Variants in LHFPL5 observed in about 807,000 individuals in gnomAD.
LHFPL5 encodes the protein LHFPL tetraspan subfamily member 5, also known as LHFPL tetraspan subfamily member 5 protein.
In LHFPL5, 12 loss-of-function variants were observed where a neutral mutation model predicts 18.7. The ratio of observed to expected loss-of-function variants is 0.64; its 90% CI spans 0.41 to 1.04. LHFPL5 has a LOEUF of 1.04. LHFPL5 is among the 50% of genes least tolerant of loss of function. LHFPL5 has a pLI of 0.00. For synonymous variants in LHFPL5, 111 were observed against 120.2 expected (o/e 0.92, Z 0.50); for missense variants, 259 against 292.1 (o/e 0.89, Z 0.83).
At chr6:35,812,238 C>T (rs1382398523) in intron 1 of LHFPL5, among the ~76,000 whole-genome samples, 2 of 152,174 alleles carry the variant, frequency 1.3e-5, no homozygotes, top group Non-Finnish European at 2.9e-5. Context: ...ATTTACTGTG[C>T]ATTTGTTTGA....
chr6:35,819,402 G>A, intron 2 of LHFPL5, 35 bp from the exon 3 acceptor site: 1 of 1,609,506 alleles, frequency 6.2e-7, no homozygotes, highest in Non-Finnish European at 8.5e-7. Context: ...AACGAGACTT[G>A]GTAGTAACGT....
Position 35,805,724 on chromosome 6 carries a change from T to C in LHFPL5, c.54T>C (p.Tyr18=), listed in dbSNP as rs1768556847. The C allele has an allele frequency of 6.2e-7, 1 of 1,614,176 alleles. No homozygotes were observed. The highest frequency in any genetic ancestry group is 8.5e-7 in the Non-Finnish European group (1 of 1,180,030). Residue 18 remains tyrosine (Y), a synonymous_variant, in exon 1 of 4, where the codon TAT becomes TAC. Coordinates refer to ENST00000360215, the MANE Select transcript of LHFPL5 (RefSeq NM_182548.4). The surrounding 1 kb of genome is among the most constrained non-coding windows in gnomAD (Gnocchi z 4.3). ...QEAAKIYHTN[Y]VRNSRAVGVM... ...CAGCCAAGATCTACCATACCAACTA[T>C]GTGCGGAACTCGCGAGCCGTGGGCG...
intron 1 of LHFPL5, among the ~76,000 whole-genome samples, chr6:35,809,463 C>T (rs1768628126): frequency 6.6e-6 from 1 of 151,976 alleles, no homozygotes; most frequent in Non-Finnish European, 1.5e-5. Context: ...GATGACAGGG[C>T]TCTCTGAGGT....
rs549205957 is a variant in LHFPL5, at chr6:35,817,312, C to T, written c.650-2125C>T. On this transcript the variant is annotated intron_variant, in intron 2 of 3. Transcript: ENST00000360215. ...CTCTAGCCTGGGCAACAGAGCGAGA[C>T]TCAATCTAAAAAAAAAAATCTTAAA... Among the ~76,000 whole-genome samples, 6 of 151,422 alleles carry T rather than the reference C, an allele frequency of 4.0e-5. No individual in the cohort carries two copies. The South Asian group carries it at 1.2e-3, about 31-fold the overall frequency.
Position 35,814,148 on chromosome 6 carries a change from T to C in LHFPL5, c.413-398T>C, listed in dbSNP as rs1768718632. 1.3e-5 allele frequency among the ~76,000 whole-genome samples: 2 copies of C among 152,278 alleles called. No individual in the cohort carries two copies. The highest frequency in any genetic ancestry group is 2.1e-4 in the South Asian group (1 of 4,830). ...CACAGATGTTGTAAGTACGAAGAAA[T>C]GTACATCTCAGCAGTGATGAGTTCT... On this transcript the variant is annotated intron_variant, in intron 1 of 3. Coordinates refer to ENST00000360215, the MANE Select transcript of LHFPL5 (RefSeq NM_182548.4). This position sits in a 1 kb window ranked among gnomAD's most constrained non-coding sequence, Gnocchi z 4.2.
chr6:35,807,459 T>C (rs1433277186), intron 1 of LHFPL5, among the ~76,000 whole-genome samples: 2 of 152,070 alleles, frequency 1.3e-5, no homozygotes, highest in African/African-American at 4.8e-5. Context: ...CAGCCTCTGG[T>C]ACCTTGGTCC....
intron 3 of LHFPL5, among the ~76,000 whole-genome samples, chr6:35,821,577 G>T (rs940512299): frequency 5.3e-5 from 8 of 151,074 alleles, no homozygotes; most frequent in African/African-American, 1.2e-4. Flanking sequence ...CGCCTCCTGG[G>T]TTCAAGCCAT....
Position 35,806,065 on chromosome 6 carries a change from G to A in LHFPL5, c.395G>A (p.Trp132Ter), listed in dbSNP as rs756967336. 2.1e-5 allele frequency: 34 copies of A among 1,613,912 alleles called. No homozygotes were observed. Among genetic ancestry groups the A allele is most frequent in the Non-Finnish European group, 2.8e-5 (33 of 1,180,034 alleles). Residue 132 changes from tryptophan to a stop codon, truncating the protein, a stop_gained, in exon 1 of 4, where the codon TGG becomes TAG. Transcript: ENST00000360215. LOFTEE classifies it high-confidence loss of function. Reference sequence around the variant, plus strand: ...GCCACAGTCTATAAGATCTGTGCATGGATGCAGCTGGCTGCGGGTAAGCAG... The same window carrying A: ...GCCACAGTCTATAAGATCTGTGCATAGATGCAGCTGGCTGCGGGTAAGCAG... The part of the protein sequence containing the change: ...NTATVYKICA[W>*]MQLAAATGLM...
At chr6:35,816,687 C>T (rs1768768969) in intron 2 of LHFPL5, among the ~76,000 whole-genome samples, 1 of 151,910 alleles carries the variant, frequency 6.6e-6, no homozygotes, top group South Asian at 2.1e-4. Flanking sequence ...TGGTGTGCCC[C>T]TGTAATCCCA....
Position 35,823,477 on chromosome 6 carries a change from A to ACACACACTCTCT in LHFPL5, c.*513_*514insACACACTCTCTC, listed in dbSNP as rs1554147856. On this transcript the variant is annotated 3_prime_UTR_variant, in exon 4 of 4. Transcript: ENST00000360215. ...CACACACACACACACACACACACAC[A>ACACACACTCTCT]CTCTCTCTCTCTCTCAAACACACAC... is the stretch of plus-strand genomic sequence containing the variant. The ACACACACTCTCT allele has an allele frequency of 2.1e-5, 3 of 140,750 alleles. No homozygotes were observed. The highest frequency in any genetic ancestry group is 8.2e-5 in the African/African-American group (3 of 36,488). 8.7% of individuals were successfully genotyped at this position (140,750 alleles called of 1,614,324 possible).
intron 2 of LHFPL5, among the ~76,000 whole-genome samples, chr6:35,816,398 A>G (rs922367374): frequency 2.6e-5 from 4 of 151,824 alleles, no homozygotes; most frequent in Non-Finnish European, 5.9e-5. Flanking sequence ...TACTAGAAAG[A>G]GCTGGGCCAA....
chr6:35,805,844 G>T lies in LHFPL5; in HGVS notation c.174G>T (p.Gln58His). 6.2e-7 allele frequency: 1 copy of T among 1,614,236 alleles called. No homozygotes were observed. The highest frequency in any genetic ancestry group is 8.5e-7 in the Non-Finnish European group (1 of 1,180,038). The change falls in exon 1 of 4, where the codon CAG becomes CAT. Residue 58 changes from glutamine (Q) to histidine (H), a missense_variant. Transcript: ENST00000360215. This position sits in a 1 kb window ranked among gnomAD's most constrained non-coding sequence, Gnocchi z 4.3. ...TCGGCGACAGCGTCAACACACCGCAGGCAGGCTACTTCGGCCTTTTCTCCT... is the reference window on the plus strand; with the variant it reads ...TCGGCGACAGCGTCAACACACCGCATGCAGGCTACTTCGGCCTTTTCTCCT... ...YWIGDSVNTP[Q>H]AGYFGLFSYC... is the part of the protein sequence containing the mutation.
chr6:35,817,108 A>G (rs1222262713), intron 2 of LHFPL5, among the ~76,000 whole-genome samples: 1 of 152,116 alleles, frequency 6.6e-6, no homozygotes, highest in Non-Finnish European at 1.5e-5. Flanking sequence ...GTGGATCATG[A>G]GGACAGATCG....
At chr6:35,813,239 ATTTTTTTTTT>A (rs35884324) in intron 1 of LHFPL5, among the ~76,000 whole-genome samples, 1 of 56,292 alleles carries the variant, frequency 1.8e-5, no homozygotes, top group African/African-American at 6.7e-5. Context: ...AGGAACTAGC[ATTTTTTTTTT>A]TTTTTTTTTT....
intron 1 of LHFPL5, among the ~76,000 whole-genome samples, chr6:35,812,400 C>T (rs1180184453): frequency 6.6e-6 from 1 of 152,092 alleles, no homozygotes; most frequent in Admixed American, 6.6e-5. Context: ...AAGGGGAGCA[C>T]CCCCTGCCCG....
In LHFPL5 at chr6:35,823,432, CACACACACATATATAT is replaced by C. The variant is rs1768911371; in HGVS notation, c.*477_*492del. On this transcript the variant is annotated 3_prime_UTR_variant, in exon 4 of 4. Transcript: ENST00000360215. Reference sequence around the variant, plus strand: ...ACACACACACACACACACATACATACACACACACATATATATACACACACACACACACACACACACA... The same window carrying C: ...ACACACACACACACACACATACATACACACACACACACACACACACACACA... 8.3e-6 allele frequency: 1 copy of C among 119,906 alleles called. No homozygotes were observed. Among genetic ancestry groups the C allele is most frequent in the African/African-American group, 3.9e-5 (1 of 25,894 alleles). 7.4% of individuals were successfully genotyped at this position (119,906 alleles called of 1,614,324 possible).
chr6:35,814,540 C>T lies in LHFPL5; in HGVS notation c.413-6C>T. On this transcript the variant is annotated splice_polypyrimidine_tract_variant and splice_region_variant and intron_variant, in intron 1 of 3. Coordinates refer to ENST00000360215, the MANE Select transcript of LHFPL5 (RefSeq NM_182548.4). This position sits in a 1 kb window ranked among gnomAD's most constrained non-coding sequence, Gnocchi z 4.2. ...GATGCCATGTGCACCCCTCCTTCCC[C>T]CTCAGCCACAGGCCTAATGATTGGC... 1 of 1,609,716 alleles carries T rather than the reference C, an allele frequency of 6.2e-7. No individual in the cohort carries two copies. The highest frequency in any genetic ancestry group is 8.5e-7 in the Non-Finnish European group (1 of 1,175,954).
chr6:35,820,749 TAAAA>T (rs879490335), intron 3 of LHFPL5, among the ~76,000 whole-genome samples: 1 of 151,456 alleles, frequency 6.6e-6, no homozygotes, highest in Non-Finnish European at 1.5e-5. Context: ...ATTAAAAAAA[TAAAA>T]AAGAAAAAGA....
At chr6:35,808,560 T>TATAC (rs1171851384) in intron 1 of LHFPL5, among the ~76,000 whole-genome samples, 6 of 66,326 alleles carry the variant, frequency 9.0e-5, no homozygotes, top group Admixed American at 4.4e-4. Flanking sequence ...ATATTCATTT[T>TATAC]ATACATATAT....
Sources: allele counts gnomAD v4.1 joint callset (sites outside exome capture counted in the v4.1 genomes callset), GRCh38; gene constraint gnomAD v4.1.1; non-coding constraint Gnocchi (gnomAD v3.1); transcripts MANE v1.5; gene names NCBI Gene and HGNC (gene_info 2026-07-23, HGNC 2026-07-21).